Variants in NTM observed in about 807,000 individuals in gnomAD.
NTM encodes IgLON family member 2.
NTM carries 13 observed loss-of-function variants against 42.1 expected under a neutral mutation model. The ratio of observed to expected loss-of-function variants is 0.31; its 90% CI spans 0.20 to 0.49. The LOEUF (loss-of-function observed/expected upper bound fraction) is 0.49, where lower values mean the gene tolerates loss of function less well. Ranked by LOEUF, NTM falls within the 20% of genes least tolerant of loss-of-function variation. The pLI is 0.99. For missense variants in NTM, 373 were observed against 452.8 expected (o/e 0.82, Z 1.60); for synonymous variants, 187 against 179.2 (o/e 1.04, Z -0.35).
chr11:132,234,391 G>A (rs2088309135), intron 4 of NTM, among the ~76,000 whole-genome samples: 1 of 152,096 alleles, frequency 6.6e-6, no homozygotes, highest in African/African-American at 2.4e-5. Flanking sequence ...CCTTATCTCT[G>A]CTGGTTTCAA....
intron 1 of NTM, among the ~76,000 whole-genome samples, chr11:131,861,330 A>C (rs2046612242): frequency 6.6e-6 from 1 of 152,196 alleles, no homozygotes; most frequent in African/African-American, 2.4e-5. Flanking sequence ...CAGCCTTTCT[A>C]AATTAAAACG....
At chr11:131,448,970 C>G (rs1198994769) in intron 1 of NTM, among the ~76,000 whole-genome samples, 1 of 152,164 alleles carries the variant, frequency 6.6e-6, no homozygotes, top group Non-Finnish European at 1.5e-5. Context: ...CACTGAGAAC[C>G]CTCTAGGAGA....
At chr11:132,138,563 A>AATCTATCTATCTATCTATCATCT (rs1555279928) in intron 2 of NTM, among the ~76,000 whole-genome samples, 1 of 127,074 alleles carries the variant, frequency 7.9e-6, no homozygotes, top group African/African-American at 2.9e-5. Flanking sequence ...TTTTCAACAG[A>AATCTATCTATCTATCTATCATCT]ATCTATCTAT....
intron 1 of NTM, among the ~76,000 whole-genome samples, chr11:131,883,456 G>A (rs911840777): frequency 6.6e-6 from 1 of 152,090 alleles, no homozygotes; most frequent in Non-Finnish European, 1.5e-5. Flanking sequence ...AGACACCTTT[G>A]AGTTATGGCC....
chr11:131,863,212 G>T (rs189392346), intron 1 of NTM, among the ~76,000 whole-genome samples: 1 of 152,200 alleles, frequency 6.6e-6, no homozygotes, highest in Admixed American at 6.5e-5. Context: ...TGAAGAAAGG[G>T]GGAACTGGTG....
chr11:131,683,939 G>T (rs897134258), intron 1 of NTM, among the ~76,000 whole-genome samples: 1 of 152,190 alleles, frequency 6.6e-6, no homozygotes, highest in Non-Finnish European at 1.5e-5. Context: ...CTTAGAAAGG[G>T]CGTTCTGAAG....
chr11:131,996,760 C>T (rs554552348), intron 2 of NTM, among the ~76,000 whole-genome samples: 253 of 152,214 alleles, frequency 1.7e-3, no homozygotes, highest in African/African-American at 5.5e-3. Flanking sequence ...ATTGCCAGTT[C>T]GGTGTCATTG....
At position 131,559,517 on chromosome 11, in the gene NTM, A is replaced by G. The variant is rs376444759; in HGVS notation, c.82+188629A>G. On this transcript the variant is annotated intron_variant, in intron 1 of 8. Transcript: ENST00000683400. ...TCAAATTTGTTAGATAAAATTCCTG[A>G]CCCTTAAGAATTTTGTCTTTAAAAT... Among the ~76,000 whole-genome samples the G allele has an allele frequency of 5.9e-5, 9 of 152,306 alleles. No homozygotes were observed. The East Asian group carries it at 9.6e-4, about 16-fold the overall frequency.
chr11:131,877,476 C>G (rs1182684293), intron 1 of NTM, among the ~76,000 whole-genome samples: 1 of 152,160 alleles, frequency 6.6e-6, no homozygotes, highest in South Asian at 2.1e-4. Flanking sequence ...ACTCACAGAG[C>G]CGCAGAAACC....
intron 1 of NTM, chr11:131,796,006 G>T: frequency 1.0e-6 from 1 of 985,368 alleles, no homozygotes; most frequent in Non-Finnish European, 1.2e-6. Context: ...GAAGTTGTGT[G>T]CAGGGGCAAT....
intron 1 of NTM, among the ~76,000 whole-genome samples, chr11:131,815,686 C>T (rs761654460): frequency 2.0e-5 from 3 of 152,182 alleles, no homozygotes; most frequent in Non-Finnish European, 4.4e-5. Flanking sequence ...TCCAGCCTCT[C>T]CCTTCTCTCA....
intron 1 of NTM, among the ~76,000 whole-genome samples, chr11:131,449,440 G>A (rs1006454196): frequency 6.6e-6 from 1 of 152,210 alleles, no homozygotes; most frequent in Non-Finnish European, 1.5e-5. Flanking sequence ...GGTCCAGTTT[G>A]AGGAAGGGAC....
At chr11:132,112,927 G>T (rs2063413583) in intron 2 of NTM, among the ~76,000 whole-genome samples, 1 of 152,126 alleles carries the variant, frequency 6.6e-6, no homozygotes, top group Non-Finnish European at 1.5e-5. Context: ...GCCAGAGGGG[G>T]TCTTGTTACC....
chr11:131,960,127 C>G (rs139023799), intron 2 of NTM, among the ~76,000 whole-genome samples: 2 of 152,080 alleles, frequency 1.3e-5, no homozygotes, highest in Non-Finnish European at 1.5e-5. Context: ...CACCTCTGAG[C>G]GTAAAAGTCA....
chr11:131,645,184 T>C (rs367876171), intron 1 of NTM, among the ~76,000 whole-genome samples: 2 of 152,202 alleles, frequency 1.3e-5, no homozygotes, highest in African/African-American at 2.4e-5. Flanking sequence ...AATTGAGGCA[T>C]AGAGAAGTAA....
chr11:131,761,249 G>T (rs1165596081), intron 1 of NTM, among the ~76,000 whole-genome samples: 2 of 152,140 alleles, frequency 1.3e-5, no homozygotes, highest in East Asian at 1.9e-4. Flanking sequence ...AGTGTAGTAG[G>T]CTTATTAGTC....
intron 2 of NTM, among the ~76,000 whole-genome samples, chr11:131,929,913 C>CAT (rs1384625800): frequency 6.6e-6 from 1 of 152,228 alleles, no homozygotes. Flanking sequence ...AATGATTTGT[C>CAT]ATGAATGCAT....
chr11:132,266,897 A>G (rs2093215670), intron 4 of NTM, among the ~76,000 whole-genome samples: 1 of 152,182 alleles, frequency 6.6e-6, no homozygotes, highest in Non-Finnish European at 1.5e-5. Flanking sequence ...TTTGAATGTA[A>G]ATGTTTTATT....
At chr11:131,767,771 C>CATT (rs1035603430) in intron 1 of NTM, among the ~76,000 whole-genome samples, 9 of 152,160 alleles carry the variant, frequency 5.9e-5, no homozygotes, top group Non-Finnish European at 1.0e-4. Flanking sequence ...GAACCAGACC[C>CATT]ATTTGCCCGA....
Sources: gnomAD v4.1 joint callset for allele counts (sites outside exome capture counted in the v4.1 genomes callset) on GRCh38, gnomAD v4.1.1 for gene constraint, MANE v1.5 for transcripts, NCBI Gene and HGNC (gene_info 2026-07-23, HGNC 2026-07-21) for gene names.